The following TMEM126B variants were observed in gnomAD, a reference collection of about 807,000 sequenced individuals.
The protein encoded by TMEM126B is complex I assembly factor TMEM126B, mitochondrial.
In TMEM126B, 19 loss-of-function variants were observed where a neutral mutation model predicts 16.5. That is an observed-to-expected ratio of 1.15 (90% CI 0.80 to 1.69). TMEM126B has a LOEUF of 1.69. Ranked by LOEUF, TMEM126B falls within the 40% of genes most tolerant of loss-of-function variation. The pLI, the probability that TMEM126B is intolerant of heterozygous loss-of-function variation, is 0.00. For missense variants in TMEM126B, 293 were observed against 278.7 expected, an observed-to-expected ratio of 1.05 and a Z score of -0.37; for synonymous variants, 104 against 93.2, an observed-to-expected ratio of 1.12 and a Z score of -0.67.
At chr11:85,629,399 T>TATAA (rs2082205984) in intron 1 of TMEM126B, 1 of 486,084 alleles carries the variant, frequency 2.1e-6, no homozygotes, top group Non-Finnish European at 3.5e-6. Context: ...GGTGACTAGT[T>TATAA]GAGTGGCCTT....
intron 3 of TMEM126B, among the ~76,000 whole-genome samples, chr11:85,635,326 T>G (rs2082377318): frequency 6.6e-6 from 1 of 152,224 alleles, no homozygotes; most frequent in South Asian, 2.1e-4. Flanking sequence ...GCATGAGAAT[T>G]GCTTGAACCC....
At chr11:85,633,048 C>T (rs545461668) in intron 2 of TMEM126B, among the ~76,000 whole-genome samples, 131 of 151,828 alleles carry the variant, frequency 8.6e-4, no homozygotes, top group Non-Finnish European at 1.7e-3. Context: ...TGAGAATATG[C>T]GGTGTTTGGT....
At chr11:85,634,008 A>T (rs2082352260) in intron 2 of TMEM126B, 78 bp from the exon 3 acceptor site, 5 of 951,282 alleles carry the variant, frequency 5.3e-6, no homozygotes, top group Admixed American at 4.5e-5. Flanking sequence ...ATTGATATGC[A>T]ATAACAACTT....
Position 85,636,188 on chromosome 11 carries a change from G to A in TMEM126B, c.652G>A (p.Val218Ile), listed in dbSNP as rs762786611. Residue 218 changes from valine (V) to isoleucine (I), a missense_variant, in exon 5 of 5, where the codon GTA (valine) becomes ATA (isoleucine). Physicochemically the swap from Val to Ile is conservative, Grantham distance 29. Transcript: ENST00000358867. ...GILNGLYHYAVFEETLEKTIH... is the reference protein window; with the variant it reads ...GILNGLYHYAIFEETLEKTIH... ...ATTAAATGGTCTATACCATTATGCAGTATTTGAAGAGACACTTGAGAAAAC... is the reference window on the plus strand; with the variant it reads ...ATTAAATGGTCTATACCATTATGCAATATTTGAAGAGACACTTGAGAAAAC... The A allele has an allele frequency of 6.4e-7, 1 of 1,568,816 alleles. No individual in the cohort carries two copies. Among genetic ancestry groups the A allele is most frequent in the Non-Finnish European group, 8.6e-7 (1 of 1,161,576 alleles).
Position 85,636,170 on chromosome 11 carries a change from G to T in TMEM126B, c.634G>T (p.Gly212Cys), listed in dbSNP as rs2082401453. The T allele has an allele frequency of 6.2e-7, 1 of 1,606,556 alleles. No homozygotes were observed. The change falls in exon 5 of 5, where the codon GGT becomes TGT. Residue 212 changes from glycine (G) to cysteine (C), a missense_variant. By Grantham distance (159) the Gly-to-Cys change is radical. Coordinates refer to ENST00000358867, the MANE Select transcript of TMEM126B (RefSeq NM_018480.7). ...TCAGATTATGTTTGGAATATTAAAT[G>T]GTCTATACCATTATGCAGTATTTGA... ...VFQIMFGILN[G>C]LYHYAVFEET...
intron 1 of TMEM126B, chr11:85,629,211 A>G: frequency 1.6e-6 from 2 of 1,289,390 alleles, no homozygotes; most frequent in Non-Finnish European, 2.0e-6. Context: ...GAGGTCTGGC[A>G]TATACCACGT....
At position 85,636,267 on chromosome 11, in the gene TMEM126B, G is replaced by C. The variant is rs373912115; in HGVS notation, c.*38G>C. The C allele has an allele frequency of 2.4e-5, 33 of 1,381,150 alleles. No homozygotes were observed. The African/African-American group carries it at 4.7e-4, about 20-fold the overall frequency. 85.6% of individuals were successfully genotyped at this position (1,381,150 alleles called of 1,614,324 possible). On this transcript the variant is annotated 3_prime_UTR_variant, in exon 5 of 5. Coordinates refer to ENST00000358867, the MANE Select transcript of TMEM126B (RefSeq NM_018480.7). ...ATGGTTGCTAACTTAGCAAAATGAA[G>C]TTTCTATAAAGAGGACTCAGGCATT...
chr11:85,631,888 C>A, intron 2 of TMEM126B, 80 bp downstream of exon 2: 1 of 1,399,916 alleles, frequency 7.1e-7, no homozygotes, highest in Non-Finnish European at 9.5e-7. Flanking sequence ...AGATCCTATT[C>A]TTTCTTACCT....
intron 2 of TMEM126B, 115 bp from the exon 3 acceptor site, chr11:85,633,971 A>G: frequency 1.4e-6 from 1 of 701,066 alleles, no homozygotes. Context: ...CTTTTCACAT[A>G]TAGTAAGTGC....
chr11:85,628,585 G>A (rs1480009199), upstream of TMEM126B: 2 of 1,528,042 alleles, frequency 1.3e-6, no homozygotes, highest in South Asian at 1.2e-5. Context: ...CCCGCCCACC[G>A]GCAAGTCACA....
At chr11:85,629,750 G>T (rs1410798437) in intron 1 of TMEM126B, among the ~76,000 whole-genome samples, 1 of 152,188 alleles carries the variant, frequency 6.6e-6, no homozygotes, top group Non-Finnish European at 1.5e-5. Flanking sequence ...CAATAGATGG[G>T]TTAGGTATAG....
In TMEM126B at chr11:85,634,081, AT is replaced by A; in HGVS notation, c.204-3del. 1 of 1,598,076 alleles carries A rather than the reference AT, an allele frequency of 6.3e-7. No individual in the cohort carries two copies. ...GTGAACTGAATTTTTCTTTTTTTCTATTAGGACACAAAATATATATCAAATG... is the reference window on the plus strand; with the variant it reads ...GTGAACTGAATTTTTCTTTTTTTCTATAGGACACAAAATATATATCAAATG... On this transcript the variant is annotated splice_polypyrimidine_tract_variant and splice_region_variant and intron_variant, in intron 2 of 4. Transcript: ENST00000358867.
At chr11:85,631,135 A>G in intron 1 of TMEM126B, 15 of 1,289,846 alleles carry the variant, frequency 1.2e-5, no homozygotes, top group Non-Finnish European at 1.5e-5. Context: ...GCTCTCTCCT[A>G]CCTCTCTAGG....
At position 85,630,639 on chromosome 11, in the gene TMEM126B, G is replaced by A. The variant is rs995432060; in HGVS notation, c.82-1048G>A. On this transcript the variant is annotated intron_variant, in intron 1 of 4. Transcript: ENST00000358867. ...TTTGTTTTTTTGTTGTTGTTGTTTT[G>A]TTTTGTTTTTTAACCTGTCTAGTTT... Among the ~76,000 whole-genome samples the A allele has an allele frequency of 3.3e-5, 5 of 152,128 alleles. No homozygotes were observed. The South Asian group carries it at 1.0e-3, about 32-fold the overall frequency.
At chr11:85,633,049 G>A (rs1231075056) in intron 2 of TMEM126B, among the ~76,000 whole-genome samples, 8 of 149,822 alleles carry the variant, frequency 5.3e-5, no homozygotes, top group African/African-American at 1.2e-4. Context: ...GAGAATATGC[G>A]GTGTTTGGTT....
intron 1 of TMEM126B, among the ~76,000 whole-genome samples, chr11:85,630,652 A>C (rs2082278486): frequency 6.6e-6 from 1 of 152,052 alleles, no homozygotes; most frequent in Non-Finnish European, 1.5e-5. Context: ...TTGTTTTTTA[A>C]CCTGTCTAGT....
Position 85,636,374 on chromosome 11 carries a change from T to A in TMEM126B, c.*145T>A, listed in dbSNP as rs958365347. ...GTATATAGCAAATACTCAAAAAGTA[T>A]TCAATAATTCAATCAATAAATATAA... On this transcript the variant is annotated 3_prime_UTR_variant, in exon 5 of 5. Coordinates refer to ENST00000358867, the MANE Select transcript of TMEM126B (RefSeq NM_018480.7). 2.1e-6 allele frequency: 1 copy of A among 471,310 alleles called. No individual in the cohort carries two copies. The highest frequency in any genetic ancestry group is 4.0e-5 in the Admixed American group (1 of 25,282). 29.2% of individuals were successfully genotyped at this position (471,310 alleles called of 1,614,324 possible).
Position 85,636,068 on chromosome 11 carries a change from C to G in TMEM126B, c.532C>G (p.Pro178Ala). ...ATKYHTVPLPPKGRVLIHWMT... is the reference protein window; with the variant it reads ...ATKYHTVPLPAKGRVLIHWMT... Reference sequence around the variant, plus strand: ...TAGGTATCATACCGTTCCACTGCCACCAAAAGGAAGGGTTTTAATCCATTG... The same window carrying G: ...TAGGTATCATACCGTTCCACTGCCAGCAAAAGGAAGGGTTTTAATCCATTG... Residue 178 changes from proline (P) to alanine (A), a missense_variant, in exon 5 of 5, where the codon CCA becomes GCA. Physicochemically the swap from Pro to Ala is conservative, Grantham distance 27 (BLOSUM62 -1). Transcript: ENST00000358867. 6.2e-7 allele frequency: 1 copy of G among 1,600,454 alleles called. No individual in the cohort carries two copies. The highest frequency in any genetic ancestry group is 8.5e-7 in the Non-Finnish European group (1 of 1,175,876).
intron 2 of TMEM126B, among the ~76,000 whole-genome samples, 180 bp downstream of exon 2, chr11:85,631,988 T>A (rs1235749777): frequency 6.6e-6 from 1 of 152,122 alleles, no homozygotes; most frequent in Non-Finnish European, 1.5e-5. Context: ...CAGATGAAAA[T>A]GGTGGTTTGT....
Sources: gnomAD v4.1 joint callset for allele counts (sites outside exome capture counted in the v4.1 genomes callset) on GRCh38, gnomAD v4.1.1 for gene constraint, MANE v1.5 for transcripts, NCBI Gene and HGNC (gene_info 2026-07-23, HGNC 2026-07-21) for gene names.